Variants in INO80 observed in about 807,000 individuals in gnomAD.
INO80 encodes the protein INO80 complex ATPase subunit.
A neutral mutation model predicts 203.4 loss-of-function variants in INO80; 20 were observed. That is an observed-to-expected ratio of 0.10 (90% CI 0.07 to 0.14). INO80 has a LOEUF of 0.14. Ranked by LOEUF, INO80 falls within the 10% of genes least tolerant of loss-of-function variation. The pLI, the probability that INO80 is intolerant of heterozygous loss-of-function variation, is 1.00. For synonymous variants in INO80, 726 were observed against 685.2 expected (o/e 1.06, Z -0.93); for missense variants, 1,419 against 1,914.4 (o/e 0.74, Z 4.83).
intron 29 of INO80, among the ~76,000 whole-genome samples, chr15:40,992,284 G>C (rs896051095): frequency 6.6e-6 from 1 of 152,196 alleles, no homozygotes; most frequent in Admixed American, 6.5e-5. Flanking sequence ...GTCTGACACA[G>C]AAACACAAAC....
At chr15:40,982,769 C>A in intron 35 of INO80, 93 bp downstream of exon 35, 1 of 1,051,108 alleles carries the variant, frequency 9.5e-7, no homozygotes, top group South Asian at 1.5e-5. Context: ...AAGCTCCCGG[C>A]TTCAGGGTTT....
chr15:41,089,050 C>A (rs1275014400), intron 5 of INO80, among the ~76,000 whole-genome samples: 2 of 152,046 alleles, frequency 1.3e-5, no homozygotes, highest in Non-Finnish European at 2.9e-5. Flanking sequence ...ATTAGCCAGG[C>A]ATGGTGGCAG....
intron 9 of INO80, among the ~76,000 whole-genome samples, chr15:41,078,222 G>A (rs2045434612): frequency 6.6e-6 from 1 of 152,036 alleles, no homozygotes; most frequent in East Asian, 1.9e-4. Context: ...TAACCCTAAA[G>A]AAGTTAACTA....
chr15:40,988,034 C>G, intron 29 of INO80, 60 bp from the exon 30 acceptor site: 1 of 1,444,198 alleles, frequency 6.9e-7, no homozygotes, highest in South Asian at 1.3e-5. Flanking sequence ...ATTCTGAGAG[C>G]AACCCAGCCA....
At chr15:41,042,188 G>A (rs2044679733) in intron 24 of INO80, among the ~76,000 whole-genome samples, 2 of 151,126 alleles carry the variant, frequency 1.3e-5, no homozygotes, top group Non-Finnish European at 3.0e-5. Flanking sequence ...AATTGTTTTT[G>A]TATTTTTAAT....
chr15:41,058,417 T>C (rs1596300037), intron 16 of INO80, among the ~76,000 whole-genome samples: 1 of 152,108 alleles, frequency 6.6e-6, no homozygotes, highest in Non-Finnish European at 1.5e-5. Context: ...TCCCAACACC[T>C]GGGGAGGCCG....
At chr15:41,114,501 G>A (rs1046943333) in intron 1 of INO80, among the ~76,000 whole-genome samples, 1 of 151,874 alleles carries the variant, frequency 6.6e-6, no homozygotes, top group Non-Finnish European at 1.5e-5. Context: ...TTGAGGTCAG[G>A]AGTTCGAGAC....
chr15:41,088,835 A>C (rs1037291686), intron 5 of INO80, among the ~76,000 whole-genome samples: 1 of 152,198 alleles, frequency 6.6e-6, no homozygotes, highest in Non-Finnish European at 1.5e-5. Flanking sequence ...CTGTACACTT[A>C]AAGTCTGATA....
intron 27 of INO80, among the ~76,000 whole-genome samples, chr15:41,006,900 T>C (rs987883798): frequency 3.9e-5 from 6 of 152,226 alleles, no homozygotes; most frequent in African/African-American, 1.4e-4. Flanking sequence ...TTCAAGTTCA[T>C]ACTTAGTGGT....
chr15:41,081,183 A>C lies in INO80; in HGVS notation c.874-110T>G, dbSNP rs2045479010. 4.3e-6 allele frequency: 3 copies of C among 692,850 alleles called. No homozygotes were observed. The Admixed American group carries it at 7.4e-5, about 17-fold the overall frequency. The allele number at this position is 692,850 out of a possible 1,614,324, so 42.9% of individuals were successfully genotyped here. A position where few individuals can be genotyped will look rare whatever the true frequency, so the allele number is the denominator to read the frequency against. On this transcript the variant is annotated intron_variant, in intron 7 of 35. Coordinates refer to ENST00000648947, the MANE Select transcript of INO80 (RefSeq NM_017553.3). Reference sequence around the variant, plus strand: ...CTAGAGGGTTAGAAAATGTCAAGCCAAGCAAGATATATTACTTCTATAAGT... The same window carrying C: ...CTAGAGGGTTAGAAAATGTCAAGCCCAGCAAGATATATTACTTCTATAAGT...
At chr15:41,056,567 C>T in intron 17 of INO80, 55 bp downstream of exon 17, 1 of 1,302,718 alleles carries the variant, frequency 7.7e-7, no homozygotes, top group Non-Finnish European at 1.1e-6. Context: ...CTATGCTCTG[C>T]TGGAATCCTT....
chr15:40,992,484 A>G (rs184523105), intron 29 of INO80, among the ~76,000 whole-genome samples: 1 of 152,308 alleles, frequency 6.6e-6, no homozygotes, highest in East Asian at 1.9e-4. Context: ...TGCATTCTCA[A>G]TCATAAGACA....
intron 7 of INO80, among the ~76,000 whole-genome samples, chr15:41,082,631 G>A (rs2045502225): frequency 6.6e-6 from 1 of 152,000 alleles, no homozygotes; most frequent in Non-Finnish European, 1.5e-5. Flanking sequence ...TTGAACCCGG[G>A]AGGTGGAGGT....
intron 14 of INO80, among the ~76,000 whole-genome samples, chr15:41,061,217 T>C (rs915051671): frequency 6.6e-6 from 1 of 151,996 alleles, no homozygotes; most frequent in African/African-American, 2.4e-5. Flanking sequence ...TAAGGCAGAA[T>C]TGCTTGAGCC....
chr15:41,010,731 G>A (rs2044122017), intron 27 of INO80, among the ~76,000 whole-genome samples: 1 of 152,114 alleles, frequency 6.6e-6, no homozygotes, highest in South Asian at 2.1e-4. Flanking sequence ...AAAGGCAAAT[G>A]TTTATATATC....
chr15:41,093,424 C>T lies in INO80; in HGVS notation c.382-1242G>A, dbSNP rs571511946. Among the ~76,000 whole-genome samples the T allele has an allele frequency of 2.7e-3, 409 of 148,808 alleles. 3 individuals are homozygous for T. Among genetic ancestry groups the T allele is most frequent in the South Asian group, 0.013 (62 of 4,728 alleles). On this transcript the variant is annotated intron_variant, in intron 4 of 35. Transcript: ENST00000648947. ...TGGGCGACAGAGCAAGACTCCGTCT[C>T]AAAAAAAAGAAAAAAGAAAATGGAG...
intron 27 of INO80, among the ~76,000 whole-genome samples, chr15:41,011,143 TTCTA>T (rs2044128613): frequency 6.6e-6 from 1 of 152,272 alleles, no homozygotes; most frequent in Non-Finnish European, 1.5e-5. Flanking sequence ...TCTTGTACCT[TTCTA>T]TCTCTCTTTT....
intron 35 of INO80, among the ~76,000 whole-genome samples, chr15:40,981,280 T>C (rs1382404711): frequency 1.3e-5 from 2 of 151,982 alleles, no homozygotes; most frequent in Admixed American, 1.3e-4. Context: ...ACCCCCTCTA[T>C]CTCCCTCACC....
At chr15:40,999,933 A>T (rs567587201) in intron 28 of INO80, among the ~76,000 whole-genome samples, 6 of 152,084 alleles carry the variant, frequency 3.9e-5, no homozygotes, top group African/African-American at 7.2e-5. Flanking sequence ...TCTACATAAA[A>T]TTTTTTTTAA....
Sources: allele counts gnomAD v4.1 joint callset (sites outside exome capture counted in the v4.1 genomes callset), GRCh38; gene constraint gnomAD v4.1.1; transcripts MANE v1.5; gene names NCBI Gene and HGNC (gene_info 2026-07-23, HGNC 2026-07-21).